Variants in RBPMS2 observed in about 807,000 individuals in gnomAD.
The protein encoded by RBPMS2 is RNA-binding protein with multiple splicing 2.
In RBPMS2, 14 loss-of-function variants were observed where a neutral mutation model predicts 25.7. That is an observed-to-expected ratio of 0.55 (90% confidence interval 0.36 to 0.85). The LOEUF (loss-of-function observed/expected upper bound fraction) is 0.85, where lower values mean the gene tolerates loss of function less well. RBPMS2 is among the 40% of genes least tolerant of loss of function. RBPMS2 has a pLI of 0.01. For synonymous variants in RBPMS2, 127 were observed against 115.6 expected (o/e 1.10, Z -0.63); for missense variants, 252 against 283.4 (o/e 0.89, Z 0.80).
chr15:64,761,394 G>A (rs943503818), intron 1 of RBPMS2, among the ~76,000 whole-genome samples: 2 of 152,174 alleles, frequency 1.3e-5, no homozygotes, highest in Admixed American at 6.5e-5. Context: ...CCTAGGGGTC[G>A]AGCGAGTTGC....
intron 6 of RBPMS2, 67 bp downstream of exon 6, chr15:64,748,352 G>A: frequency 1.3e-6 from 2 of 1,535,130 alleles, no homozygotes; most frequent in South Asian, 1.2e-5. Flanking sequence ...CAAGTGGCCA[G>A]GCACATGCAA....
intron 1 of RBPMS2, among the ~76,000 whole-genome samples, chr15:64,770,335 A>G (rs1412772754): frequency 2.0e-5 from 3 of 152,202 alleles, no homozygotes; most frequent in Admixed American, 2.0e-4. Flanking sequence ...TAGCTACATG[A>G]AAGTTATTTA....
At chr15:64,774,493 T>C (rs981704655) in intron 1 of RBPMS2, among the ~76,000 whole-genome samples, 2 of 152,010 alleles carry the variant, frequency 1.3e-5, no homozygotes, top group Non-Finnish European at 2.9e-5. Context: ...TCCCTCCCTT[T>C]CGCACATGGC....
intron 4 of RBPMS2, 92 bp from the exon 5 acceptor site, chr15:64,749,242 C>G: frequency 6.7e-7 from 1 of 1,500,000 alleles, no homozygotes. Context: ...TAAACAAGCT[C>G]GCCTCGAAGA....
intron 6 of RBPMS2, among the ~76,000 whole-genome samples, chr15:64,742,237 A>G (rs1037360472): frequency 6.6e-6 from 1 of 152,176 alleles, no homozygotes; most frequent in African/African-American, 2.4e-5. Flanking sequence ...GGACTCTCCA[A>G]CATCAGTCCT....
At position 64,775,282 on chromosome 15, in the gene RBPMS2, C is replaced by T; in HGVS notation, c.38G>A (p.Ser13Asn). The change falls in exon 1 of 8, where the codon AGC becomes AAC. Residue 13 changes from serine (S) to asparagine (N), a missense_variant. Physicochemically the swap from Ser to Asn is conservative, Grantham distance 46. Transcript: ENST00000300069. ...NLKPDGEHGG[S>N]TGTGSGAGSG... Reference sequence around the variant, plus strand: ...GCCCGCGCCGGAGCCGGTGCCGGTGCTGCCGCCGTGCTCGCCGTCCGGCTT... The same window carrying T: ...GCCCGCGCCGGAGCCGGTGCCGGTGTTGCCGCCGTGCTCGCCGTCCGGCTT... 7.4e-7 allele frequency: 1 copy of T among 1,354,366 alleles called. No individual in the cohort carries two copies. The highest frequency in any genetic ancestry group is 2.8e-5 in the Admixed American group (1 of 35,444). 83.9% of individuals were successfully genotyped at this position (1,354,366 alleles called of 1,614,324 possible).
chr15:64,753,202 C>T (rs990364229), intron 1 of RBPMS2, among the ~76,000 whole-genome samples: 5 of 152,182 alleles, frequency 3.3e-5, no homozygotes, highest in Non-Finnish European at 5.9e-5. Flanking sequence ...TCTCCTCCTG[C>T]GAAGCCAAGC....
At chr15:64,752,880 G>A (rs566700524) in intron 1 of RBPMS2, among the ~76,000 whole-genome samples, 9 of 152,290 alleles carry the variant, frequency 5.9e-5, no homozygotes, top group South Asian at 4.1e-4. Flanking sequence ...CCAAAGTGCT[G>A]AGATGACAGG....
chr15:64,747,799 G>A (rs548535176), intron 6 of RBPMS2, among the ~76,000 whole-genome samples: 2 of 152,222 alleles, frequency 1.3e-5, no homozygotes, highest in Admixed American at 6.5e-5. Flanking sequence ...TAACAGCCCC[G>A]ACTCTCCCCA....
chr15:64,773,270 C>A (rs2083905072), intron 1 of RBPMS2, among the ~76,000 whole-genome samples: 1 of 152,210 alleles, frequency 6.6e-6, no homozygotes, highest in East Asian at 1.9e-4. Flanking sequence ...CAAGATGGAG[C>A]CACCAGCACA....
At chr15:64,741,295 G>A (rs1199300939) in intron 6 of RBPMS2, 53 bp from the exon 7 acceptor site, 7 of 1,435,406 alleles carry the variant, frequency 4.9e-6, no homozygotes, top group East Asian at 2.5e-5. Flanking sequence ...CCCTCAACAG[G>A]AAGCCAGGTA....
intron 1 of RBPMS2, among the ~76,000 whole-genome samples, chr15:64,767,613 C>A (rs1468861137): frequency 6.6e-6 from 1 of 152,232 alleles, no homozygotes. Flanking sequence ...CTACTTACGG[C>A]GCTTGCCAGT....
At chr15:64,760,594 A>C (rs541730319) in intron 1 of RBPMS2, among the ~76,000 whole-genome samples, 1 of 152,142 alleles carries the variant, frequency 6.6e-6, no homozygotes, top group South Asian at 2.1e-4. Flanking sequence ...TGAGGTCAGG[A>C]GTTCTAGACC....
chr15:64,748,827 C>A (rs1217920365), intron 5 of RBPMS2, among the ~76,000 whole-genome samples, 173 bp downstream of exon 5: 2 of 152,174 alleles, frequency 1.3e-5, no homozygotes, highest in Non-Finnish European at 2.9e-5. Flanking sequence ...GAAGCCCTGG[C>A]AGCTCAGAAA....
At chr15:64,758,427 G>C (rs1374151099) in intron 1 of RBPMS2, among the ~76,000 whole-genome samples, 1 of 152,204 alleles carries the variant, frequency 6.6e-6, no homozygotes, top group African/African-American at 2.4e-5. Flanking sequence ...ACGGATGGAG[G>C]ATGATTCTGA....
chr15:64,750,370 C>A lies in RBPMS2; in HGVS notation c.177G>T (p.Gly59=), dbSNP rs1448672103. The part of the protein sequence containing the change: ...LLFRPFKGYE[G]SLIKLTARQP... ...GTCTTGCAGTGAGCTTGATCAGGGA[C>A]CCTTCATACCCCTGCGGAGAGAGGT... The change falls in exon 3 of 8, where the codon GGG becomes GGT. Residue 59 remains glycine, a synonymous_variant. Transcript: ENST00000300069. The A allele has an allele frequency of 6.2e-7, 1 of 1,613,892 alleles. No homozygotes were observed. The highest frequency in any genetic ancestry group is 1.1e-5 in the South Asian group (1 of 91,056).
chr15:64,744,376 C>T (rs1200660270), intron 6 of RBPMS2, among the ~76,000 whole-genome samples: 3 of 151,554 alleles, frequency 2.0e-5, no homozygotes, highest in South Asian at 2.1e-4. Context: ...CTGACCAACA[C>T]GGAGAAACCC....
intron 1 of RBPMS2, among the ~76,000 whole-genome samples, chr15:64,760,763 T>C (rs761568516): frequency 6.6e-6 from 1 of 151,696 alleles, no homozygotes; most frequent in Non-Finnish European, 1.5e-5. Context: ...GATCACGTCA[T>C]TGCACTCCAG....
chr15:64,751,149 A>G (rs1217358711), intron 2 of RBPMS2, among the ~76,000 whole-genome samples: 1 of 152,126 alleles, frequency 6.6e-6, no homozygotes, highest in African/African-American at 2.4e-5. Flanking sequence ...CCTGACCAAC[A>G]TGGTGAAACC....
Sources: allele counts gnomAD v4.1 joint callset (sites outside exome capture counted in the v4.1 genomes callset), GRCh38; gene constraint gnomAD v4.1.1; transcripts MANE v1.5; gene names NCBI Gene and HGNC (gene_info 2026-07-23, HGNC 2026-07-21).